Variants in SNRNP35 observed in about 807,000 individuals in gnomAD.
The protein encoded by SNRNP35 is U11/U12 small nuclear ribonucleoprotein 35 kDa protein.
Under a neutral mutation model 24.3 loss-of-function variants are expected in SNRNP35, and 16 were observed. That is an observed-to-expected ratio of 0.66 (90% CI 0.45 to 1.00). The LOEUF is 1.00. Among genes scored for constraint, SNRNP35 ranks in the 50% least tolerant of loss-of-function variants. The probability of loss-of-function intolerance (pLI) is 0.00; values close to 1 mark genes in which losing one functional copy is unlikely to be tolerated. For synonymous variants in SNRNP35, 106 were observed against 124.8 expected (o/e 0.85, Z 1.00); for missense variants, 292 against 327.2 (o/e 0.89, Z 0.83).
chr12:123,465,720 G>T lies in SNRNP35; in HGVS notation c.180G>T (p.Leu60Phe), dbSNP rs1411629778. Reference sequence around the variant, plus strand: ...CCCTGTTTGTGGCCAGACTAAACTTGCAGACCAAGGAGGACAAATTAAAGG... The same window carrying T: ...CCCTGTTTGTGGCCAGACTAAACTTTCAGACCAAGGAGGACAAATTAAAGG... ...LLTLFVARLNLQTKEDKLKEV... is the reference protein window; with the variant it reads ...LLTLFVARLNFQTKEDKLKEV... The change falls in exon 2 of 2, where the codon TTG becomes TTT. Residue 60 changes from leucine (L) to phenylalanine (F), a missense_variant. Coordinates refer to ENST00000526639, the MANE Select transcript of SNRNP35 (RefSeq NM_022717.4). This position sits in a 1 kb window ranked among gnomAD's most constrained non-coding sequence, Gnocchi z 4.2. 6.2e-7 allele frequency: 1 copy of T among 1,613,784 alleles called. No homozygotes were observed. The highest frequency in any genetic ancestry group is 1.7e-5 in the Admixed American group (1 of 59,952).
At chr12:123,471,151 A>T (rs978972425), downstream of SNRNP35, 1 of 150,444 alleles carries the variant, frequency 6.6e-6, no homozygotes, top group Non-Finnish European at 1.5e-5. Context: ...GCTCACTGCA[A>T]CCTCTGCCTC....
In SNRNP35 at chr12:123,465,384, C is replaced by G. The variant is rs971506354; in HGVS notation, c.-3-154C>G. Among the ~76,000 whole-genome samples the G allele has an allele frequency of 1.4e-4, 21 of 152,342 alleles. No individual in the cohort carries two copies. The highest frequency in any genetic ancestry group is 4.6e-4 in the African/African-American group (19 of 41,582). The stretch of plus-strand genomic sequence containing the variant: ...GCTTTGGTGCTGTCTCCCCCACTTA[C>G]TAGCAGGGAGGACTTAGCCTCTGTG... On this transcript the variant is annotated intron_variant, in intron 1 of 1. Coordinates refer to ENST00000526639, the MANE Select transcript of SNRNP35 (RefSeq NM_022717.4). The surrounding 1 kb of genome is among the most constrained non-coding windows in gnomAD (Gnocchi z 4.2).
At position 123,462,663 on chromosome 12, in the gene SNRNP35, G is replaced by T. The variant is rs555944136; in HGVS notation, c.-3-2875G>T. On this transcript the variant is annotated intron_variant, in intron 1 of 1. Coordinates refer to ENST00000526639, the MANE Select transcript of SNRNP35 (RefSeq NM_022717.4). ...CACCACCTTGCCCAGCTAATTTTTT[G>T]TATTTTTAGTAGATATGGGGTTTCA... is the stretch of plus-strand genomic sequence containing the variant. Among the ~76,000 whole-genome samples the T allele has an allele frequency of 1.4e-4, 21 of 151,918 alleles. 1 individual carries two copies. In the South Asian group the frequency reaches 4.2e-3, roughly 30 times the overall value.
chr12:123,459,968 C>A, intron 1 of SNRNP35: 1 of 1,018,652 alleles, frequency 9.8e-7, no homozygotes, highest in Non-Finnish European at 1.5e-6. Context: ...TTGTAATTCT[C>A]CTCCATTTTA....
At chr12:123,464,659 T>C (rs1310170779) in intron 1 of SNRNP35, 2 of 152,246 alleles carry the variant, frequency 1.3e-5, no homozygotes, top group African/African-American at 4.8e-5. Context: ...CCAGCAAAGA[T>C]TCACATGAAT....
chr12:123,462,170 GAC>G (rs1880670489), intron 1 of SNRNP35, among the ~76,000 whole-genome samples: 1 of 152,190 alleles, frequency 6.6e-6, no homozygotes, highest in African/African-American at 2.4e-5. Context: ...CTGTGAGAAA[GAC>G]ACAGTTGCTT....
Position 123,465,486 on chromosome 12 carries a change from A to G in SNRNP35, c.-3-52A>G. Reference sequence around the variant, plus strand: ...TTCATGGCATTGTTGTAAGGGTTGAATGAGTGGCTCAGAGTAGAGGCTCCA... The same window carrying G: ...TTCATGGCATTGTTGTAAGGGTTGAGTGAGTGGCTCAGAGTAGAGGCTCCA... On this transcript the variant is annotated intron_variant, in intron 1 of 1. Transcript: ENST00000526639. This position sits in a 1 kb window ranked among gnomAD's most constrained non-coding sequence, Gnocchi z 4.2. The G allele has an allele frequency of 6.6e-7, 1 of 1,508,220 alleles. No homozygotes were observed. The highest frequency in any genetic ancestry group is 1.4e-5 in the South Asian group (1 of 73,958). The allele number at this position is 1,508,220 out of a possible 1,614,324, so 93.4% of individuals were successfully genotyped here.
chr12:123,472,624 T>C lies in SNRNP35; in HGVS notation n.1631T>C, dbSNP rs544426494. ...GCCCACTGTCCAAAGGACTCCTGGATGTGCACGTTTCTCTGTGTGTTGGCC... is the reference window on the plus strand; with the variant it reads ...GCCCACTGTCCAAAGGACTCCTGGACGTGCACGTTTCTCTGTGTGTTGGCC... On this transcript the variant is annotated non_coding_transcript_exon_variant, in exon 2 of 2. Coordinates refer to the SNRNP35 transcript ENST00000527158. 4 of 1,591,012 alleles carry C rather than the reference T, an allele frequency of 2.5e-6. No homozygotes were observed. The Admixed American group carries it at 7.2e-5, about 28-fold the overall frequency.
intron 1 of SNRNP35, among the ~76,000 whole-genome samples, chr12:123,462,256 CA>C (rs1165090471): frequency 6.6e-6 from 1 of 152,032 alleles, no homozygotes; most frequent in Non-Finnish European, 1.5e-5. Context: ...GGGAGATAGA[CA>C]GGGAGAGCAT....
At chr12:123,472,773 A>AC in exon 2 of SNRNP35, 1 of 1,376,168 alleles carries the variant, frequency 7.3e-7, no homozygotes. Flanking sequence ...ATAGCAGCAA[A>AC]CTTAGAAGGG....
chr12:123,470,524 C>CCAGCA (rs996312342), downstream of SNRNP35: 1 of 152,020 alleles, frequency 6.6e-6, no homozygotes, highest in African/African-American at 2.4e-5. Flanking sequence ...ACCTGTAATC[C>CCAGCA]CAGCACTTTG....
At chr12:123,458,322 C>T (rs1210146831) in intron 1 of SNRNP35, 106 bp downstream of exon 1, 1 of 745,104 alleles carries the variant, frequency 1.3e-6, no homozygotes, top group East Asian at 1.3e-4. Flanking sequence ...CATGTTGAAA[C>T]CTGGCAAAGG....
At position 123,465,515 on chromosome 12, in the gene SNRNP35, A is replaced by C; in HGVS notation, c.-3-23A>C. ...GTGGCTCAGAGTAGAGGCTCCATCC[A>C]CGCTTGCTCTTATCATTCATAGAAC... On this transcript the variant is annotated intron_variant, in intron 1 of 1. Transcript: ENST00000526639. The surrounding 1 kb of genome is among the most constrained non-coding windows in gnomAD (Gnocchi z 4.2). 1 of 1,522,318 alleles carries C rather than the reference A, an allele frequency of 6.6e-7. No individual in the cohort carries two copies. The highest frequency in any genetic ancestry group is 1.4e-5 in the African/African-American group (1 of 71,960). The allele number at this position is 1,522,318 out of a possible 1,614,324, so 94.3% of individuals were successfully genotyped here.
rs757843398 is a variant in SNRNP35 at position 123,466,274 on chromosome 12, G to A, written c.734G>A (p.Gly245Asp). 9.2e-6 allele frequency: 14 copies of A among 1,517,852 alleles called. No homozygotes were observed. In the South Asian group the frequency reaches 1.9e-4, roughly 20 times the overall value. The allele number at this position is 1,517,852 out of a possible 1,614,324, so 94.0% of individuals were successfully genotyped here. A position where few individuals can be genotyped will look rare whatever the true frequency, so the allele number is the denominator to read the frequency against. ...RIKGREKKERGK is the reference protein window; with the variant it reads ...RIKGREKKERDK ...AAGGGGAGGGAGAAGAAGGAAAGAGGCAAGTAGAGGCCCAACAGCAGAACC... is the reference window on the plus strand; with the variant it reads ...AAGGGGAGGGAGAAGAAGGAAAGAGACAAGTAGAGGCCCAACAGCAGAACC... The change falls in exon 2 of 2, where the codon GGC becomes GAC. Residue 245 changes from glycine to aspartate, a missense_variant. Physicochemically the swap from Gly to Asp is moderately conservative, Grantham distance 94. Transcript: ENST00000526639.
At chr12:123,462,467 G>A (rs1880685206) in intron 1 of SNRNP35, among the ~76,000 whole-genome samples, 1 of 151,678 alleles carries the variant, frequency 6.6e-6, no homozygotes, top group South Asian at 2.1e-4. Context: ...TTTATGATGG[G>A]ACATGGTGAG....
exon 2 of SNRNP35, chr12:123,472,538 T>TCA: frequency 6.4e-7 from 1 of 1,550,986 alleles, no homozygotes; most frequent in East Asian, 2.4e-5. Context: ...TGGGCCAAGG[T>TCA]CACAGATGCT....
chr12:123,464,872 T>C (rs1471722213), intron 1 of SNRNP35: 1 of 152,258 alleles, frequency 6.6e-6, no homozygotes, highest in Non-Finnish European at 1.5e-5. Context: ...TACTACAGAA[T>C]GGTGCATCCA....
intron 1 of SNRNP35, among the ~76,000 whole-genome samples, chr12:123,463,589 A>G (rs1880755607): frequency 2.0e-5 from 3 of 150,286 alleles, no homozygotes; most frequent in African/African-American, 7.4e-5. Flanking sequence ...TATTGGCCAG[A>G]CTGGTCTCAA....
chr12:123,460,977 T>TA (rs2139281454), intron 1 of SNRNP35, among the ~76,000 whole-genome samples: 1 of 148,478 alleles, frequency 6.7e-6, no homozygotes, highest in East Asian at 2.0e-4. Context: ...TTTTTTTTTT[T>TA]TTTTTAAAAA....
Sources: allele counts gnomAD v4.1 joint callset (sites outside exome capture counted in the v4.1 genomes callset), GRCh38; gene constraint gnomAD v4.1.1; non-coding constraint Gnocchi (gnomAD v3.1); transcripts MANE v1.5; gene names NCBI Gene and HGNC (gene_info 2026-07-23, HGNC 2026-07-21).